The following APOB variants were observed in gnomAD, a reference collection of about 807,000 sequenced individuals.
The protein encoded by APOB is apolipoprotein B.
Under a neutral mutation model 314.1 loss-of-function variants are expected in APOB, and 153 were observed. The ratio of observed to expected loss-of-function variants is 0.49; its 90% CI spans 0.43 to 0.56. The LOEUF (loss-of-function observed/expected upper bound fraction) is 0.56. Ranked by LOEUF, APOB falls within the 20% of genes least tolerant of loss-of-function variation. The pLI, the probability that APOB is intolerant of heterozygous loss-of-function variation, is 0.00. For missense variants in APOB, 5,430 were observed against 5,350.7 expected (o/e 1.01, Z -0.46); for synonymous variants, 2,087 against 2,036.4 (o/e 1.02, Z -0.67).
rs1193865009 is a variant in APOB, at chr2:21,005,697, T to A, written c.11171A>T (p.Lys3724Ile). The A allele has an allele frequency of 1.2e-6, 2 of 1,613,792 alleles. No individual in the cohort carries two copies. The highest frequency in any genetic ancestry group is 1.7e-6 in the Non-Finnish European group (2 of 1,179,960). The change falls in exon 26 of 29, where the codon AAA (lysine) becomes ATA (isoleucine). Residue 3724 changes from lysine (K) to isoleucine (I), a missense_variant. By Grantham distance (102) the Lys-to-Ile change is moderately radical (BLOSUM62 -3). Transcript: ENST00000233242. ...PNGYSFSIPV[K>I]VLADKFIIPG... is the part of the protein sequence containing the mutation. ...AATAATGAATTTATCAGCCAAAACTTTTACAGGGATGGAGAATGAATAGCC... is the reference window on the plus strand; with the variant it reads ...AATAATGAATTTATCAGCCAAAACTATTACAGGGATGGAGAATGAATAGCC...
Position 21,019,709 on chromosome 2 carries a change from T to C in APOB, c.2999+14A>G. 2 of 1,613,718 alleles carry C rather than the reference T, an allele frequency of 1.2e-6. No homozygotes were observed. The highest frequency in any genetic ancestry group is 1.7e-6 in the Non-Finnish European group (2 of 1,179,740). On this transcript the variant is annotated intron_variant, in intron 19 of 28. Transcript: ENST00000233242. ...GGTGAGAAAATGCTGGGTCAGGCAC[T>C]GAGCATCTCTAACCTGGTGTCCCCG...
Position 21,005,299 on chromosome 2 carries a change from C to G in APOB, c.11569G>C (p.Val3857Leu), listed in dbSNP as rs145655926. The G allele has an allele frequency of 6.2e-7, 1 of 1,614,024 alleles. No individual in the cohort carries two copies. Among genetic ancestry groups the G allele is most frequent in the Non-Finnish European group, 8.5e-7 (1 of 1,179,946 alleles). Residue 3857 changes from valine to leucine, a missense_variant, in exon 26 of 29, where the codon GTG becomes CTG. Coordinates refer to ENST00000233242, the MANE Select transcript of APOB (RefSeq NM_000384.3). The part of the protein sequence containing the change: ...IADFELPTII[V>L]PEQTIEIPSI... ...GGAATCTCAATGGTCTGCTCAGGCA[C>G]GATGATGGTGGGCAACTCAAAGTCT...
chr2:21,001,529 C>T lies in APOB; in HGVS notation c.*201G>A, dbSNP rs1157136732. 4 of 551,758 alleles carry T rather than the reference C, an allele frequency of 7.2e-6. No homozygotes were observed. Among genetic ancestry groups the T allele is most frequent in the African/African-American group, 1.9e-5 (1 of 51,814 alleles). 34.2% of individuals were successfully genotyped at this position (551,758 alleles called of 1,614,324 possible). On this transcript the variant is annotated 3_prime_UTR_variant, in exon 29 of 29. Coordinates refer to ENST00000233242, the MANE Select transcript of APOB (RefSeq NM_000384.3). ...TCTTTAACTTGCAAAAAATGCCATC[C>T]TTCTGAGTTCAGAGACCTTCCGAGC...
At chr2:21,004,733 T>A (rs1205851772) in intron 26 of APOB, 58 bp from the exon 27 acceptor site, 1 of 1,336,200 alleles carries the variant, frequency 7.5e-7, no homozygotes, top group Non-Finnish European at 1.1e-6. Context: ...GTTGATGTTT[T>A]CATTGTGAAA....
At chr2:21,018,844 GT>G in intron 20 of APOB, 147 bp downstream of exon 20, 1 of 1,137,252 alleles carries the variant, frequency 8.8e-7, no homozygotes, top group Non-Finnish European at 1.3e-6. Context: ...TGGGTACTCA[GT>G]TAACCCAGGT....
At position 21,006,624 on chromosome 2, in the gene APOB, C is replaced by G. The variant is rs750477821; in HGVS notation, c.10244G>C (p.Ser3415Thr). The change falls in exon 26 of 29, where the codon AGC becomes ACC. Residue 3415 changes from serine (S) to threonine (T), a missense_variant. By Grantham distance (58) the Ser-to-Thr change is moderately conservative (BLOSUM62 1). This residue lies in a region of APOB where 3,281 missense variants were observed against 3,171.0 expected (regional missense o/e 1.03). Transcript: ENST00000233242. ...CACTTCCATATTTTTCGTGGTTAAG[C>G]TCACAGTACTGTTATGACTACCCTC... ...FVEGSHNSTV[S>T]LTTKNMEVSV... The G allele has an allele frequency of 1.1e-5, 18 of 1,614,054 alleles. No individual in the cohort carries two copies. The highest frequency in any genetic ancestry group is 1.7e-5 in the Admixed American group (1 of 60,010).
Position 21,043,026 on chromosome 2 carries a change from C to T in APOB, c.121+487G>A, listed in dbSNP as rs12714268. 7.1e-3 allele frequency among the ~76,000 whole-genome samples: 1,036 copies of T among 146,674 alleles called. 15 individuals are homozygous for T. The highest frequency in any genetic ancestry group is 0.024 in the African/African-American group (960 of 39,228). ...TGAGTCCAGCTGCAGTGATGACAGA[C>T]GGCCACTAGATGGCGGTGCTGCCCC... On this transcript the variant is annotated intron_variant, in intron 2 of 28. Coordinates refer to ENST00000233242, the MANE Select transcript of APOB (RefSeq NM_000384.3).
At chr2:21,030,804 A>AT (rs759636038) in intron 10 of APOB, among the ~76,000 whole-genome samples, 11 of 152,160 alleles carry the variant, frequency 7.2e-5, no homozygotes, top group African/African-American at 1.7e-4. Context: ...ATGAATAGAC[A>AT]TTTTTTTCAA....
Position 21,005,765 on chromosome 2 carries a change from A to T in APOB, c.11103T>A (p.His3701Gln). ...DVTTSIGRRQ[H>Q]LRVSTAFVYT... ...ACACAAAGGCAGTTGAAACACGAAG[A>T]TGCTGTCTCCTACCAATGCTGGTGG... is the stretch of plus-strand genomic sequence containing the variant. The change falls in exon 26 of 29, where the codon CAT (histidine) becomes CAA (glutamine). Residue 3701 changes from histidine to glutamine, a missense_variant. His to Gln is a conservative substitution (Grantham distance 24). Coordinates refer to ENST00000233242, the MANE Select transcript of APOB (RefSeq NM_000384.3). The T allele has an allele frequency of 6.2e-7, 1 of 1,614,030 alleles. No individual in the cohort carries two copies. The highest frequency in any genetic ancestry group is 1.1e-5 in the South Asian group (1 of 91,076).
chr2:21,024,030 A>C (rs1663676920), intron 16 of APOB: 1 of 189,650 alleles, frequency 5.3e-6, no homozygotes, highest in Non-Finnish European at 1.1e-5. Flanking sequence ...TCTGACTGTA[A>C]GTGAAGGTGT....
Position 21,007,356 on chromosome 2 carries a change from A to G in APOB, c.9512T>C (p.Leu3171Ser). 1 of 1,614,046 alleles carries G rather than the reference A, an allele frequency of 6.2e-7. No individual in the cohort carries two copies. Among genetic ancestry groups the G allele is most frequent in the African/African-American group, 1.3e-5 (1 of 75,044 alleles). The change falls in exon 26 of 29, where the codon TTA becomes TCA. Residue 3171 changes from leucine to serine, a missense_variant. This residue lies in a region of APOB where 3,281 missense variants were observed against 3,171.0 expected (regional missense o/e 1.03). Transcript: ENST00000233242. ...FLKTTKQSFD[L>S]SVKAQYKKNK... ...TTTCTTATACTGAGCTTTTACACTT[A>G]AATCAAATGATTGCTTTGTCGTTTT...
chr2:21,023,914 T>C (rs944261162), intron 16 of APOB: 1 of 426,614 alleles, frequency 2.3e-6, no homozygotes, highest in Non-Finnish European at 4.1e-6. Context: ...AGATATCATG[T>C]CATTTTCAAG....
chr2:21,029,158 A>G (rs1020899917), intron 12 of APOB, among the ~76,000 whole-genome samples: 1 of 152,184 alleles, frequency 6.6e-6, no homozygotes, highest in Non-Finnish European at 1.5e-5. Flanking sequence ...TGCAATTAGA[A>G]AACAGTAGAG....
intron 13 of APOB, 39 bp from the exon 14 acceptor site, chr2:21,028,104 G>T: frequency 7.0e-7 from 1 of 1,420,826 alleles, no homozygotes; most frequent in Non-Finnish European, 1.0e-6. Flanking sequence ...GACACACCAT[G>T]TTATTATCCT....
chr2:21,017,098 T>G (rs1449075347), intron 20 of APOB, among the ~76,000 whole-genome samples: 1 of 152,040 alleles, frequency 6.6e-6, no homozygotes, highest in Non-Finnish European at 1.5e-5. Context: ...CTCCAAGGAA[T>G]CAATGTGCTT....
rs747811532 is a variant in APOB at position 21,002,157 on chromosome 2, T to G, written c.13265A>C (p.His4422Pro). Residue 4422 changes from histidine to proline, a missense_variant, in exon 29 of 29, where the codon CAT (histidine) becomes CCT (proline). By Grantham distance (77) the His-to-Pro change is moderately conservative. Coordinates refer to ENST00000233242, the MANE Select transcript of APOB (RefSeq NM_000384.3). ...KNLLVALKDF[H>P]SEYIVSASNF... ...AGAGGCACTGACAATATATTCAGAA[T>G]GGAAGTCCTTAAGAGCAACTAACAG... 6.2e-7 allele frequency: 1 copy of G among 1,614,000 alleles called. No individual in the cohort carries two copies. The highest frequency in any genetic ancestry group is 8.5e-7 in the Non-Finnish European group (1 of 1,179,974).
In APOB at chr2:21,032,537, C is replaced by T; in HGVS notation, c.1169G>A (p.Cys390Tyr). 1 of 1,614,150 alleles carries T rather than the reference C, an allele frequency of 6.2e-7. No homozygotes were observed. The highest frequency in any genetic ancestry group is 8.5e-7 in the Non-Finnish European group (1 of 1,180,036). ...QALVQCGQPQCSTHILQWLKR... is the reference protein window; with the variant it reads ...QALVQCGQPQYSTHILQWLKR... ...CAGCCACTGGAGGATGTGAGTGGAG[C>T]ACTGAGGCTGTCCACACTGAACCAA... Residue 390 changes from cysteine (C) to tyrosine (Y), a missense_variant, in exon 10 of 29, where the codon TGC becomes TAC. Physicochemically the swap from Cys to Tyr is radical, Grantham distance 194. Transcript: ENST00000233242.
chr2:21,014,541 G>C lies in APOB; in HGVS notation c.3749C>G (p.Thr1250Ser), dbSNP rs1429864381. 2 of 1,613,970 alleles carry C rather than the reference G, an allele frequency of 1.2e-6. No individual in the cohort carries two copies. Among genetic ancestry groups the C allele is most frequent in the African/African-American group, 2.7e-5 (2 of 74,908 alleles). The change falls in exon 24 of 29, where the codon ACT becomes AGT. Residue 1250 changes from threonine to serine, a missense_variant. Thr to Ser is a moderately conservative substitution (Grantham distance 58). Coordinates refer to ENST00000233242, the MANE Select transcript of APOB (RefSeq NM_000384.3). ...KASGSLPYTQ[T>S]LQDHLNSLKE... ...CAGGCTATTGAGGTGGTCTTGCAAA[G>C]TCTGGGTATAAGGAAGACTCCCAGA...
intron 25 of APOB, 139 bp from the exon 26 acceptor site, chr2:21,012,790 G>T (rs1027380702): frequency 3.3e-6 from 3 of 922,910 alleles, no homozygotes; most frequent in Admixed American, 5.2e-5. Flanking sequence ...GTAATGCAAA[G>T]ATAAAATCTG....
Sources: allele counts gnomAD v4.1 joint callset (sites outside exome capture counted in the v4.1 genomes callset), GRCh38; gene constraint gnomAD v4.1.1; regional missense constraint gnomAD v4.1.1; transcripts MANE v1.5; gene names NCBI Gene and HGNC (gene_info 2026-07-23, HGNC 2026-07-21).